The following CDIN1 variants were observed in gnomAD, a reference collection of about 807,000 sequenced individuals.
The protein encoded by CDIN1 is CDAN1-interacting nuclease 1.
In CDIN1, 33 loss-of-function variants were observed where a neutral mutation model predicts 45.3. The observed-to-expected ratio is 0.73, with a 90% confidence interval of 0.55 to 0.97. CDIN1 has a LOEUF of 0.97. Ranked by LOEUF, CDIN1 falls within the 50% of genes least tolerant of loss-of-function variation. The probability of loss-of-function intolerance (pLI) is 0.00; values close to 1 mark genes in which losing one functional copy is unlikely to be tolerated. For missense variants in CDIN1, 303 were observed against 339.4 expected (o/e 0.89, Z 0.84); for synonymous variants, 118 against 124.4 (o/e 0.95, Z 0.34).
At chr15:36,624,923 G>T (rs560989949) in intron 1 of CDIN1, among the ~76,000 whole-genome samples, 19 of 152,226 alleles carry the variant, frequency 1.2e-4, no homozygotes, top group Middle Eastern at 3.4e-3. Flanking sequence ...AGAAAGATTA[G>T]TGGGGGCAGA....
chr15:36,606,506 G>T (rs2038385813), intron 1 of CDIN1, among the ~76,000 whole-genome samples: 5 of 152,152 alleles, frequency 3.3e-5, no homozygotes, highest in Admixed American at 3.3e-4. Context: ...AGGATTTCAT[G>T]TGGTAAACTC....
intron 10 of CDIN1, among the ~76,000 whole-genome samples, chr15:36,803,109 C>T (rs575210840): frequency 1.3e-5 from 2 of 151,854 alleles, no homozygotes; most frequent in African/African-American, 2.4e-5. Context: ...CAGGAATTCA[C>T]CTTGACTGAC....
chr15:36,784,691 A>G (rs2054443180), intron 10 of CDIN1, among the ~76,000 whole-genome samples: 1 of 152,166 alleles, frequency 6.6e-6, no homozygotes, highest in South Asian at 2.1e-4. Context: ...ATGCATAAAC[A>G]TTGCGTTATC....
At chr15:36,698,767 C>T (rs943072653) in intron 8 of CDIN1, among the ~76,000 whole-genome samples, 34 of 152,168 alleles carry the variant, frequency 2.2e-4, no homozygotes, top group African/African-American at 7.2e-4. Context: ...GCACCATCAG[C>T]CTGTGGACAG....
chr15:36,634,617 G>C (rs1480381456), intron 1 of CDIN1, among the ~76,000 whole-genome samples: 1 of 151,974 alleles, frequency 6.6e-6, no homozygotes, highest in Non-Finnish European at 1.5e-5. Context: ...TACCTTGTTT[G>C]TAGATCTTGC....
At chr15:36,638,966 TC>T (rs937939621) in intron 1 of CDIN1, among the ~76,000 whole-genome samples, 1 of 152,212 alleles carries the variant, frequency 6.6e-6, no homozygotes, top group Non-Finnish European at 1.5e-5. Flanking sequence ...AAATTTTGAT[TC>T]CCAGGTCTAC....
intron 1 of CDIN1, among the ~76,000 whole-genome samples, chr15:36,588,242 C>A (rs1433644707): frequency 1.6e-5 from 2 of 127,732 alleles, no homozygotes; most frequent in South Asian, 2.8e-4. Flanking sequence ...TTTAAAAAAA[C>A]CTTTTAAACC....
chr15:36,736,558 C>G (rs554503690), intron 10 of CDIN1, among the ~76,000 whole-genome samples: 1 of 152,266 alleles, frequency 6.6e-6, no homozygotes, highest in South Asian at 2.1e-4. Context: ...TCTCTAATTC[C>G]TAATGGAAAG....
At chr15:36,645,495 TGTG>T (rs959154147) in intron 3 of CDIN1, among the ~76,000 whole-genome samples, 2 of 2,032 alleles carry the variant, frequency 9.8e-4, no homozygotes, top group African/African-American at 1.1e-3. Context: ...TGTCTTGACT[TGTG>T]TGTGTGTGTG....
chr15:36,739,848 C>T (rs530815805), intron 10 of CDIN1, among the ~76,000 whole-genome samples: 2 of 152,256 alleles, frequency 1.3e-5, no homozygotes, highest in South Asian at 4.2e-4. Flanking sequence ...CATCTCTGCA[C>T]ATATCACATC....
intron 10 of CDIN1, among the ~76,000 whole-genome samples, chr15:36,735,348 G>T (rs1024104791): frequency 2.6e-5 from 4 of 151,990 alleles, no homozygotes; most frequent in African/African-American, 7.2e-5. Flanking sequence ...ATTTAATGTT[G>T]ATCTTTGCAT....
intron 1 of CDIN1, chr15:36,640,745 C>A: frequency 3.2e-6 from 2 of 623,174 alleles, no homozygotes; most frequent in Non-Finnish European, 4.0e-6. Context: ...CTGTGCTCAG[C>A]TCTCCTCTTA....
chr15:36,724,374 G>A (rs117379585), intron 10 of CDIN1, among the ~76,000 whole-genome samples: 1 of 152,268 alleles, frequency 6.6e-6, no homozygotes, highest in East Asian at 1.9e-4. Context: ...AAGTAATGCC[G>A]ACATTCAATA....
intron 5 of CDIN1, among the ~76,000 whole-genome samples, chr15:36,679,182 G>C (rs2041762066): frequency 6.6e-6 from 1 of 152,068 alleles, no homozygotes; most frequent in Non-Finnish European, 1.5e-5. Context: ...GTGTGTATGG[G>C]CTGGGGTGGG....
chr15:36,704,980 A>T (rs1259539001), intron 8 of CDIN1: 1 of 152,204 alleles, frequency 6.6e-6, no homozygotes, highest in Non-Finnish European at 1.5e-5. Flanking sequence ...GCTGACTCAA[A>T]ATCAGCTCTT....
At chr15:36,720,266 T>G (rs2043363449) in intron 10 of CDIN1, among the ~76,000 whole-genome samples, 1 of 148,854 alleles carries the variant, frequency 6.7e-6, no homozygotes, top group African/African-American at 2.4e-5. Flanking sequence ...ATTTATTTAT[T>G]TATTTATTTA....
chr15:36,691,737 T>C lies in CDIN1; in HGVS notation c.399T>C (p.Asp133=), dbSNP rs1196411693. Residue 133 remains aspartate (D), a synonymous_variant, in exon 6 of 11, where the codon GAT becomes GAC. Coordinates refer to ENST00000566621, the MANE Select transcript of CDIN1 (RefSeq NM_001321759.2). ...SMLRDPSQIP[D]GVLANQVYQC... Reference sequence around the variant, plus strand: ...TACGGGACCCTTCTCAGATTCCAGATGGAGTTCTAGCAAATCAGGTCTATC... The same window carrying C: ...TACGGGACCCTTCTCAGATTCCAGACGGAGTTCTAGCAAATCAGGTCTATC... The C allele has an allele frequency of 3.1e-6, 5 of 1,602,734 alleles. No individual in the cohort carries two copies. Among genetic ancestry groups the C allele is most frequent in the Non-Finnish European group, 4.3e-6 (5 of 1,173,782 alleles).
intron 1 of CDIN1, among the ~76,000 whole-genome samples, chr15:36,605,530 A>C (rs1315860481): frequency 2.0e-5 from 3 of 152,236 alleles, no homozygotes; most frequent in Non-Finnish European, 4.4e-5. Context: ...ATAAAGAATA[A>C]AAATTTTGGC....
intron 7 of CDIN1, 114 bp from the exon 8 acceptor site, chr15:36,697,209 C>A: frequency 2.5e-6 from 2 of 798,636 alleles, no homozygotes; most frequent in Non-Finnish European, 4.3e-6. Context: ...AGATTTCATT[C>A]CTCCAAGATG....
Sources: allele counts gnomAD v4.1 joint callset (sites outside exome capture counted in the v4.1 genomes callset), GRCh38; gene constraint gnomAD v4.1.1; transcripts MANE v1.5; gene names NCBI Gene and HGNC (gene_info 2026-07-23, HGNC 2026-07-21).